TMC1: variants seen among roughly 807,000 people sequenced by gnomAD.
TMC1 encodes transmembrane channel like 1.
Under a neutral mutation model 105.8 loss-of-function variants are expected in TMC1, and 84 were observed. That is an observed-to-expected ratio of 0.79 (90% CI 0.67 to 0.95). The LOEUF (loss-of-function observed/expected upper bound fraction) is 0.95, where lower values mean the gene tolerates loss of function less well. TMC1 is among the 40% of genes least tolerant of loss of function. The probability of loss-of-function intolerance (pLI) is 0.00; values close to 1 mark genes in which losing one functional copy is unlikely to be tolerated. For synonymous variants in TMC1, 315 were observed against 311.5 expected (o/e 1.01, Z -0.12); for missense variants, 817 against 914.1 (o/e 0.89, Z 1.37).
At chr9:72,661,198 T>A (rs1825965632) in intron 5 of TMC1, among the ~76,000 whole-genome samples, 2 of 152,184 alleles carry the variant, frequency 1.3e-5, no homozygotes, top group Non-Finnish European at 2.9e-5. Context: ...GTTAAAATTA[T>A]GCTTTTCAGT....
At chr9:72,638,698 A>T (rs1825574968) in intron 4 of TMC1, among the ~76,000 whole-genome samples, 1 of 152,164 alleles carries the variant, frequency 6.6e-6, no homozygotes. Context: ...TAGAGAGTAA[A>T]TTGATAGAAA....
At chr9:72,599,728 T>C (rs940976404) in intron 2 of TMC1, among the ~76,000 whole-genome samples, 5 of 151,204 alleles carry the variant, frequency 3.3e-5, no homozygotes, top group Admixed American at 6.6e-5. Context: ...GAAAGTCACT[T>C]GAACCCAGGA....
At chr9:72,596,038 G>A (rs1049905507) in intron 2 of TMC1, among the ~76,000 whole-genome samples, 6 of 151,582 alleles carry the variant, frequency 4.0e-5, no homozygotes, top group Non-Finnish European at 7.4e-5. Flanking sequence ...CACCACGCCC[G>A]GCTAATTTTT....
chr9:72,595,812 G>A (rs2132108677), intron 2 of TMC1, among the ~76,000 whole-genome samples: 1 of 150,762 alleles, frequency 6.6e-6, no homozygotes, highest in Non-Finnish European at 1.5e-5. Context: ...GAGTAGCTGG[G>A]ATTACAGGCA....
At chr9:72,687,209 G>A (rs1181722167) in intron 5 of TMC1, among the ~76,000 whole-genome samples, 1 of 152,056 alleles carries the variant, frequency 6.6e-6, no homozygotes, top group Non-Finnish European at 1.5e-5. Context: ...ATGTGCTTTG[G>A]TTGTGCATAT....
intron 5 of TMC1, among the ~76,000 whole-genome samples, chr9:72,662,560 T>A (rs554316816): frequency 6.6e-6 from 1 of 152,106 alleles, no homozygotes; most frequent in African/African-American, 2.4e-5. Context: ...CCATTCTGTC[T>A]CTTTAGGAAG....
intron 2 of TMC1, among the ~76,000 whole-genome samples, chr9:72,603,848 G>GTTTTTTT (rs534608884): frequency 9.5e-5 from 7 of 74,006 alleles, no homozygotes; most frequent in Non-Finnish European, 1.5e-4. Context: ...GCGACCGGCT[G>GTTTTTTT]TTTTTTTTTT....
At chr9:72,811,776 C>G (rs953150094) in intron 18 of TMC1, among the ~76,000 whole-genome samples, 1 of 152,090 alleles carries the variant, frequency 6.6e-6, no homozygotes. Flanking sequence ...TCAGGATTAT[C>G]CATAAATAAG....
chr9:72,693,526 A>G (rs1006887109), intron 6 of TMC1, among the ~76,000 whole-genome samples: 4 of 152,180 alleles, frequency 2.6e-5, no homozygotes, highest in African/African-American at 9.6e-5. Context: ...AAGTTGTCAT[A>G]TAGTTCTCAT....
intron 2 of TMC1, among the ~76,000 whole-genome samples, chr9:72,582,591 C>T (rs540590890): frequency 1.3e-5 from 2 of 152,288 alleles, no homozygotes; most frequent in African/African-American, 2.4e-5. Flanking sequence ...CTTATTGCCC[C>T]CGCCTTGTCT....
intron 11 of TMC1, among the ~76,000 whole-genome samples, chr9:72,753,364 C>G (rs550764387): frequency 7.5e-6 from 1 of 132,806 alleles, no homozygotes; most frequent in East Asian, 2.4e-4. Flanking sequence ...GCTACTATGA[C>G]GTTACTTAGT....
chr9:72,801,779 G>T (rs1828476340), intron 17 of TMC1, among the ~76,000 whole-genome samples: 6 of 152,168 alleles, frequency 3.9e-5, no homozygotes, highest in Admixed American at 3.3e-4. Flanking sequence ...ATATCCTTGA[G>T]ATTGGCTGGG....
At chr9:72,543,263 C>T (rs1823707792) in intron 1 of TMC1, among the ~76,000 whole-genome samples, 1 of 152,164 alleles carries the variant, frequency 6.6e-6, no homozygotes, top group Admixed American at 6.5e-5. Context: ...CTTCCATCTA[C>T]CCCATGAGCA....
Position 72,694,687 on chromosome 9 carries a change from A to AGAG in TMC1, c.220_222dup (p.Arg74dup). On this transcript the variant is annotated inframe_insertion, in exon 7 of 24. Coordinates refer to ENST00000297784, the MANE Select transcript of TMC1 (RefSeq NM_138691.3). ...GAAACAAGGAAGGCAAGAGAAAAAG[A>AGAG]GAGGAGGAGGAGGCTAAAGAGAGGA... 5.0e-6 allele frequency: 8 copies of AGAG among 1,611,424 alleles called. No individual in the cohort carries two copies. The highest frequency in any genetic ancestry group is 5.9e-6 in the Non-Finnish European group (7 of 1,178,610).
chr9:72,527,235 G>A (rs1182134052), intron 1 of TMC1, among the ~76,000 whole-genome samples: 1 of 152,058 alleles, frequency 6.6e-6, no homozygotes, highest in Admixed American at 6.6e-5. Flanking sequence ...CAAATATCTC[G>A]ATTCTTTTGT....
chr9:72,758,800 T>A (rs889355888), intron 12 of TMC1, among the ~76,000 whole-genome samples: 3 of 152,210 alleles, frequency 2.0e-5, no homozygotes, highest in African/African-American at 7.2e-5. Flanking sequence ...GCTTTTGTTT[T>A]TATTATCATT....
rs978688820 is a variant in TMC1, at chr9:72,608,600, G to A, written c.-305-7768G>A. ...TGCGTGCCTGTAATTCCAGCTACTCGGGAGGCTGAGGCAGGAGAATCACTT... is the reference window on the plus strand; with the variant it reads ...TGCGTGCCTGTAATTCCAGCTACTCAGGAGGCTGAGGCAGGAGAATCACTT... On this transcript the variant is annotated intron_variant, in intron 2 of 23. Coordinates refer to ENST00000297784, the MANE Select transcript of TMC1 (RefSeq NM_138691.3). 1.1e-3 allele frequency among the ~76,000 whole-genome samples: 166 copies of A among 152,000 alleles called. 1 individual carries two copies. The highest frequency in any genetic ancestry group is 8.8e-5 in the Non-Finnish European group (6 of 67,964).
At chr9:72,741,244 A>G (rs538278856) in intron 9 of TMC1, 2 of 188,936 alleles carry the variant, frequency 1.1e-5, no homozygotes, top group East Asian at 1.4e-4. Context: ...CCAGCAATAC[A>G]TTAATCTGAA....
At position 72,584,784 on chromosome 9, in the gene TMC1, C is replaced by CTTTTTTTTTTTTTTTTTTTTTT. The variant is rs71357591; in HGVS notation, c.-306+6779_-306+6780insTTTTTTTTTTTTTTTTTTTTTT. 5.3e-5 allele frequency among the ~76,000 whole-genome samples: 6 copies of CTTTTTTTTTTTTTTTTTTTTTT among 113,010 alleles called. 1 individual carries two copies. The highest frequency in any genetic ancestry group is 1.1e-4 in the African/African-American group (3 of 28,384). The allele number at this position is 113,010 out of a possible 152,430, so 74.1% of individuals were successfully genotyped here. A position where few individuals can be genotyped will look rare whatever the true frequency, so the allele number is the denominator to read the frequency against. On this transcript the variant is annotated intron_variant, in intron 2 of 23. Transcript: ENST00000297784. The stretch of plus-strand genomic sequence containing the variant: ...GTAGTTCTCCTTTTTCTTTTCTTTT[C>CTTTTTTTTTTTTTTTTTTTTTT]TTTTTTTTTTTTTTTTTTGAGACAG...
Sources: gnomAD v4.1 joint callset for allele counts (sites outside exome capture counted in the v4.1 genomes callset) on GRCh38, gnomAD v4.1.1 for gene constraint, MANE v1.5 for transcripts, NCBI Gene and HGNC (gene_info 2026-07-23, HGNC 2026-07-21) for gene names.